MNAT1: variants seen among roughly 807,000 people sequenced by gnomAD.
MNAT1 encodes the protein MNAT1 component of CDK activating kinase, also known as CDK-activating kinase assembly factor MAT1.
In MNAT1, 43 loss-of-function variants were observed where a neutral mutation model predicts 42.0. The ratio of observed to expected loss-of-function variants is 1.02; its 90% CI spans 0.80 to 1.32. MNAT1 has a LOEUF of 1.32. MNAT1 is among the 40% of genes most tolerant of loss of function. The pLI, the probability that MNAT1 is intolerant of heterozygous loss-of-function variation, is 0.00. For synonymous variants in MNAT1, 118 were observed against 120.0 expected (o/e 0.98, Z 0.11); for missense variants, 306 against 350.4 (o/e 0.87, Z 1.01).
At chr14:60,858,438 ATTTG>A (rs977728025) in intron 6 of MNAT1, among the ~76,000 whole-genome samples, 1 of 150,190 alleles carries the variant, frequency 6.7e-6, no homozygotes, top group African/African-American at 2.5e-5. Flanking sequence ...TTTTTTATAA[ATTTG>A]TTTAAGTTCT....
rs142595628 is a variant in MNAT1 at position 60,873,745 on chromosome 14, A to G, written c.688-5969A>G. 7.2e-5 allele frequency among the ~76,000 whole-genome samples: 11 copies of G among 151,758 alleles called. No homozygotes were observed. The East Asian group carries it at 2.1e-3, about 30-fold the overall frequency. On this transcript the variant is annotated intron_variant, in intron 6 of 7. Transcript: ENST00000261245. ...CTTGATCTTTCAAAATGTTAAGACT[A>G]CAGGCATAAGCCACTGTGCCTGGCT...
At chr14:60,871,643 A>C (rs1445572264) in intron 6 of MNAT1, among the ~76,000 whole-genome samples, 2 of 150,892 alleles carry the variant, frequency 1.3e-5, no homozygotes, top group Non-Finnish European at 3.0e-5. Context: ...TTTTTTTGAC[A>C]CAGAGTTTCA....
intron 7 of MNAT1, among the ~76,000 whole-genome samples, chr14:60,935,239 T>C (rs892490289): frequency 1.3e-5 from 2 of 151,974 alleles, no homozygotes; most frequent in Non-Finnish European, 2.9e-5. Flanking sequence ...TTTCAGGCAA[T>C]TGTCACCTTC....
chr14:60,817,024 GT>G (rs1425251914), intron 5 of MNAT1, among the ~76,000 whole-genome samples: 1 of 151,776 alleles, frequency 6.6e-6, no homozygotes, highest in Non-Finnish European at 1.5e-5. Context: ...TTGCTTTTAT[GT>G]AAGAATTTTT....
chr14:60,945,208 G>A (rs2036247331), intron 7 of MNAT1, among the ~76,000 whole-genome samples: 1 of 151,922 alleles, frequency 6.6e-6, no homozygotes, highest in African/African-American at 2.4e-5. Flanking sequence ...TTCCTATTGT[G>A]TCCCAAAATG....
chr14:60,776,705 A>G (rs2031265157), intron 1 of MNAT1, among the ~76,000 whole-genome samples: 1 of 152,182 alleles, frequency 6.6e-6, no homozygotes, highest in Non-Finnish European at 1.5e-5. Context: ...TTTGGATCAT[A>G]TTCACTATAA....
chr14:60,949,587 G>A (rs2036344024), intron 7 of MNAT1, among the ~76,000 whole-genome samples: 1 of 152,072 alleles, frequency 6.6e-6, no homozygotes, highest in Admixed American at 6.6e-5. Flanking sequence ...ATGTACTCTG[G>A]AAGCAAAACA....
At chr14:60,855,252 G>C (rs2033926511) in intron 6 of MNAT1, among the ~76,000 whole-genome samples, 1 of 152,070 alleles carries the variant, frequency 6.6e-6, no homozygotes, top group Non-Finnish European at 1.5e-5. Flanking sequence ...CCTAGGCTCT[G>C]TGGGAGTGGG....
intron 1 of MNAT1, among the ~76,000 whole-genome samples, chr14:60,790,980 A>G (rs184865163): frequency 2.0e-5 from 3 of 152,202 alleles, no homozygotes; most frequent in African/African-American, 7.2e-5. Flanking sequence ...CAAAAAGGAA[A>G]ACTGGATAGA....
chr14:60,795,701 C>T (rs779299109), intron 1 of MNAT1, among the ~76,000 whole-genome samples: 2 of 152,212 alleles, frequency 1.3e-5, no homozygotes, highest in Non-Finnish European at 2.9e-5. Flanking sequence ...AGTGAGGCCT[C>T]ATTCAGCTAG....
At chr14:60,886,655 T>C (rs1309727456) in intron 7 of MNAT1, among the ~76,000 whole-genome samples, 2 of 152,088 alleles carry the variant, frequency 1.3e-5, no homozygotes, top group Non-Finnish European at 2.9e-5. Flanking sequence ...ATGTAATGTT[T>C]TGATTTTTTT....
At chr14:60,870,289 CTAAT>C (rs2034299863) in intron 6 of MNAT1, among the ~76,000 whole-genome samples, 1 of 152,046 alleles carries the variant, frequency 6.6e-6, no homozygotes, top group Non-Finnish European at 1.5e-5. Context: ...AATAAAAACA[CTAAT>C]TATATATACT....
At chr14:60,928,965 G>C (rs187240940) in intron 7 of MNAT1, among the ~76,000 whole-genome samples, 280 of 150,730 alleles carry the variant, frequency 1.9e-3, no homozygotes, top group African/African-American at 6.7e-3. Flanking sequence ...TGGCTAACAC[G>C]GTGAAAGCTC....
intron 6 of MNAT1, among the ~76,000 whole-genome samples, chr14:60,833,740 A>C (rs1331948115): frequency 2.0e-5 from 3 of 152,162 alleles, no homozygotes; most frequent in African/African-American, 7.2e-5. Context: ...GTATAGTTTC[A>C]GGAGGAATGG....
intron 7 of MNAT1, among the ~76,000 whole-genome samples, chr14:60,943,361 C>A (rs1225626444): frequency 6.6e-6 from 1 of 152,146 alleles, no homozygotes; most frequent in Non-Finnish European, 1.5e-5. Context: ...AGCATCATTT[C>A]ATTGATTCTT....
chr14:60,742,503 G>A (rs1323624070), intron 1 of MNAT1, among the ~76,000 whole-genome samples: 1 of 152,154 alleles, frequency 6.6e-6, no homozygotes, highest in Non-Finnish European at 1.5e-5. Context: ...GGAAAGGTAT[G>A]TTTTTAAAAA....
chr14:60,747,205 T>C lies in MNAT1; in HGVS notation c.89+12254T>C, dbSNP rs148051263. Among the ~76,000 whole-genome samples, 680 of 151,754 alleles carry C rather than the reference T, an allele frequency of 4.5e-3. 2 individuals are homozygous for C. The highest frequency in any genetic ancestry group is 0.028 in the East Asian group (145 of 5,130). ...TTCACCATGTTAGCCAGGATGGTCT[T>C]GATCTCCTGACCTTGTGATCTGCCC... On this transcript the variant is annotated intron_variant, in intron 1 of 7. Coordinates refer to ENST00000261245, the MANE Select transcript of MNAT1 (RefSeq NM_002431.4).
chr14:60,763,510 A>G lies in MNAT1; in HGVS notation c.89+28559A>G, dbSNP rs915513445. Among the ~76,000 whole-genome samples, 6 of 152,152 alleles carry G rather than the reference A, an allele frequency of 3.9e-5. No homozygotes were observed. In the East Asian group the frequency reaches 1.2e-3, roughly 29 times the overall value. ...TTGTCTAATTTTCCCTGACTAAAGC[A>G]TTTTATGTATTGGACTCCATTGTAA... On this transcript the variant is annotated intron_variant, in intron 1 of 7. Transcript: ENST00000261245.
chr14:60,967,444 T>G (rs1361800160), intron 7 of MNAT1, among the ~76,000 whole-genome samples: 1 of 152,234 alleles, frequency 6.6e-6, no homozygotes, highest in African/African-American at 2.4e-5. Context: ...TGGAATTATT[T>G]GTTTCCAGAA....
Sources: allele counts gnomAD v4.1 joint callset (sites outside exome capture counted in the v4.1 genomes callset), GRCh38; gene constraint gnomAD v4.1.1; transcripts MANE v1.5; gene names NCBI Gene and HGNC (gene_info 2026-07-23, HGNC 2026-07-21).